The following MRTFA variants were observed in gnomAD, a reference collection of about 807,000 sequenced individuals.
The protein encoded by MRTFA is myocardin-related transcription factor A.
Under a neutral mutation model 83.5 loss-of-function variants are expected in MRTFA, and 20 were observed. The observed-to-expected ratio is 0.24, with a 90% CI of 0.17 to 0.35. The LOEUF (loss-of-function observed/expected upper bound fraction) is 0.35. MRTFA is among the 10% of genes least tolerant of loss of function. The pLI is 1.00. For missense variants in MRTFA, 1,200 were observed against 1,224.7 expected, an observed-to-expected ratio of 0.98 and a Z score of 0.30; for synonymous variants, 659 against 541.2, an observed-to-expected ratio of 1.22 and a Z score of -3.02.
In MRTFA at chr22:40,541,328, C is replaced by A. The variant is rs1313735256; in HGVS notation, c.241+10778G>T. On this transcript the variant is annotated intron_variant, in intron 3 of 14. Coordinates refer to ENST00000355630, the MANE Select transcript of MRTFA (RefSeq NM_020831.6). Reference sequence around the variant, plus strand: ...AGAGCACAGAAATGTAATCCAGTTTCTGTGCCCATTTCTGATTTGAGTTCT... The same window carrying A: ...AGAGCACAGAAATGTAATCCAGTTTATGTGCCCATTTCTGATTTGAGTTCT... Among the ~76,000 whole-genome samples, 3 of 152,210 alleles carry A rather than the reference C, an allele frequency of 2.0e-5. No individual in the cohort carries two copies. The East Asian group carries it at 5.8e-4, about 29-fold the overall frequency.
chr22:40,508,788 C>A (rs1280244470), intron 3 of MRTFA, among the ~76,000 whole-genome samples: 1 of 147,794 alleles, frequency 6.8e-6, no homozygotes, highest in African/African-American at 2.5e-5. Context: ...GAGGCCAAAA[C>A]AGGAGAATCA....
In MRTFA at chr22:40,596,058, T is replaced by C. The variant is rs117494641; in HGVS notation, c.-83-1323A>G. 5.9e-5 allele frequency among the ~76,000 whole-genome samples: 9 copies of C among 151,528 alleles called. No homozygotes were observed. In the East Asian group the frequency reaches 1.7e-3, roughly 29 times the overall value. On this transcript the variant is annotated intron_variant, in intron 1 of 14. Coordinates refer to ENST00000355630, the MANE Select transcript of MRTFA (RefSeq NM_020831.6). ...AGCCTTTGCTCTCTGGCCACTAATG[T>C]CCCTCCTCCTCCCCATTACCCACAC...
At chr22:40,417,768 T>A in intron 12 of MRTFA, 1 of 446,332 alleles carries the variant, frequency 2.2e-6, no homozygotes, top group Non-Finnish European at 4.0e-6. Flanking sequence ...CTGCAGCTTC[T>A]TTCTCTGCTT....
intron 2 of MRTFA, among the ~76,000 whole-genome samples, chr22:40,578,591 A>AC (rs1231599528): frequency 6.6e-6 from 1 of 151,974 alleles, no homozygotes; most frequent in African/African-American, 2.4e-5. Context: ...ATGTAGTGAG[A>AC]CCCCACTCCA....
chr22:40,492,701 C>G (rs998220615), intron 3 of MRTFA, among the ~76,000 whole-genome samples: 5 of 152,094 alleles, frequency 3.3e-5, no homozygotes, highest in African/African-American at 1.2e-4. Flanking sequence ...ACACATTCAT[C>G]TTTAAAATGT....
chr22:40,428,632 G>A (rs1256691688), intron 7 of MRTFA, among the ~76,000 whole-genome samples: 1 of 152,104 alleles, frequency 6.6e-6, no homozygotes, highest in Non-Finnish European at 1.5e-5. Flanking sequence ...TCCCACCTCA[G>A]CCTCCTGAGC....
chr22:40,541,678 T>C (rs2055293195), intron 3 of MRTFA, among the ~76,000 whole-genome samples: 1 of 152,166 alleles, frequency 6.6e-6, no homozygotes, highest in African/African-American at 2.4e-5. Flanking sequence ...TTTCTGTTTG[T>C]TTGTTTTTGA....
rs576113985 is a variant in MRTFA, at chr22:40,494,346, A to G, written c.242-31060T>C. ...AATATTCGTAGCAGCTTTATTTGTG[A>G]TTGCCAAAAAGTGTTCTTCAACTTG... On this transcript the variant is annotated intron_variant, in intron 3 of 14. Coordinates refer to ENST00000355630, the MANE Select transcript of MRTFA (RefSeq NM_020831.6). Among the ~76,000 whole-genome samples the G allele has an allele frequency of 3.9e-4, 59 of 152,254 alleles. 1 individual carries two copies. In the South Asian group the frequency reaches 0.012, roughly 31 times the overall value.
chr22:40,527,089 G>A (rs1269073676), intron 3 of MRTFA, among the ~76,000 whole-genome samples: 1 of 151,666 alleles, frequency 6.6e-6, no homozygotes, highest in Non-Finnish European at 1.5e-5. Context: ...TCACACTACT[G>A]CACTCTAGCC....
At chr22:40,607,887 C>T (rs532656064) in intron 1 of MRTFA, among the ~76,000 whole-genome samples, 6 of 152,290 alleles carry the variant, frequency 3.9e-5, no homozygotes, top group Non-Finnish European at 2.9e-5. Flanking sequence ...TGTTTAGATG[C>T]TTCTGAGATT....
At chr22:40,619,302 A>G (rs775768016) in intron 1 of MRTFA, among the ~76,000 whole-genome samples, 2 of 151,320 alleles carry the variant, frequency 1.3e-5, no homozygotes, top group Non-Finnish European at 2.9e-5. Context: ...TATAGAGTAC[A>G]TATACTTTTA....
intron 3 of MRTFA, among the ~76,000 whole-genome samples, chr22:40,487,070 T>G (rs2054185514): frequency 6.6e-6 from 1 of 152,224 alleles, no homozygotes; most frequent in African/African-American, 2.4e-5. Context: ...TATATACTTG[T>G]GTGTGTTTGT....
chr22:40,445,486 G>T lies in MRTFA; in HGVS notation c.308-9932C>A, dbSNP rs184869280. Among the ~76,000 whole-genome samples, 734 of 151,946 alleles carry T rather than the reference G, an allele frequency of 4.8e-3. 4 individuals carry two copies. Among genetic ancestry groups the T allele is most frequent in the Non-Finnish European group, 8.1e-3 (549 of 67,956 alleles). The stretch of plus-strand genomic sequence containing the variant: ...GAATTTCCTCAATTGCCTCCAAAAT[G>T]TTCTTTTATAGCTGTTTAGATTTTT... On this transcript the variant is annotated intron_variant, in intron 4 of 14. Coordinates refer to ENST00000355630, the MANE Select transcript of MRTFA (RefSeq NM_020831.6).
intron 4 of MRTFA, among the ~76,000 whole-genome samples, chr22:40,449,276 A>G (rs1178308859): frequency 6.9e-6 from 1 of 145,728 alleles, no homozygotes; most frequent in Non-Finnish European, 1.5e-5. Flanking sequence ...CCAAACGAGA[A>G]AAAAAAAAAA....
intron 2 of MRTFA, among the ~76,000 whole-genome samples, chr22:40,559,697 T>G (rs549735172): frequency 1.8e-4 from 28 of 152,218 alleles, no homozygotes; most frequent in African/African-American, 6.7e-4. Flanking sequence ...GTGAGCCACC[T>G]TGCCTGACAG....
At chr22:40,485,433 C>T (rs1230970330) in intron 3 of MRTFA, among the ~76,000 whole-genome samples, 2 of 152,046 alleles carry the variant, frequency 1.3e-5, no homozygotes, top group African/African-American at 2.4e-5. Context: ...ATTAAACTGA[C>T]AGAAATAGCT....
At chr22:40,500,346 T>A (rs1401220620) in intron 3 of MRTFA, among the ~76,000 whole-genome samples, 1 of 27,334 alleles carries the variant, frequency 3.7e-5, no homozygotes, top group Non-Finnish European at 1.7e-4. Context: ...TTTATTTTTT[T>A]TATTTTTTTT....
chr22:40,498,273 A>ATTTTTTTT (rs1189933906), intron 3 of MRTFA, among the ~76,000 whole-genome samples: 2 of 40,968 alleles, frequency 4.9e-5, no homozygotes, highest in Non-Finnish European at 8.5e-5. Flanking sequence ...ATATATATAT[A>ATTTTTTTT]TTTTTTTTTT....
chr22:40,535,397 A>G (rs1345971058), intron 3 of MRTFA, among the ~76,000 whole-genome samples: 1 of 115,152 alleles, frequency 8.7e-6, no homozygotes, highest in Non-Finnish European at 1.6e-5. Context: ...TCTGTCCCCC[A>G]GACTGAGTAC....
Sources: allele counts gnomAD v4.1 joint callset (sites outside exome capture counted in the v4.1 genomes callset), GRCh38; gene constraint gnomAD v4.1.1; transcripts MANE v1.5; gene names NCBI Gene and HGNC (gene_info 2026-07-23, HGNC 2026-07-21).